Variants in NSUN4 observed in about 807,000 individuals in gnomAD.
The protein encoded by NSUN4 is NOP2/Sun RNA methyltransferase 4, also known as 5-cytosine rRNA methyltransferase NSUN4.
In NSUN4, 31 loss-of-function variants were observed where a neutral mutation model predicts 43.8. The ratio of observed to expected loss-of-function variants is 0.71; its 90% CI spans 0.53 to 0.96. NSUN4 has a LOEUF of 0.96. NSUN4 is among the 40% of genes least tolerant of loss of function. The pLI, the probability that NSUN4 is intolerant of heterozygous loss-of-function variation, is 0.00. For synonymous variants in NSUN4, 167 were observed against 184.1 expected (o/e 0.91, Z 0.75); for missense variants, 439 against 475.6 (o/e 0.92, Z 0.72).
intron 4 of NSUN4, among the ~76,000 whole-genome samples, chr1:46,353,999 C>T (rs746272972): frequency 6.6e-6 from 1 of 152,196 alleles, no homozygotes; most frequent in Non-Finnish European, 1.5e-5. Flanking sequence ...TGATTTCCCA[C>T]ATGCTGCCAA....
intron 3 of NSUN4, among the ~76,000 whole-genome samples, chr1:46,352,199 C>T (rs1168536702): frequency 1.3e-5 from 2 of 150,690 alleles, no homozygotes; most frequent in Non-Finnish European, 3.0e-5. Context: ...ACCTGTAATC[C>T]TAGCACTTTG....
the NSUN4 span, among the ~76,000 whole-genome samples, chr1:46,377,770 A>T: frequency 2.6e-5 from 4 of 152,352 alleles, 1 homozygote; most frequent in Admixed American, 6.5e-5. Flanking sequence ...ACATTAAGTC[A>T]TTTAATTCCC....
At chr1:46,343,784 C>T (rs531653598) in intron 1 of NSUN4, 8 of 400,488 alleles carry the variant, frequency 2.0e-5, no homozygotes, top group African/African-American at 1.4e-4. Flanking sequence ...GAGGTCAGGG[C>T]AAGAGCAAGA....
At position 46,363,571 on chromosome 1, in the gene NSUN4, T is replaced by C. The variant is rs1569776166; in HGVS notation, c.*1725T>C. On this transcript the variant is annotated 3_prime_UTR_variant, in exon 6 of 6. Transcript: ENST00000474844. ...ACAGTTTATCTGCTGTAATTGAACA[T>C]TCAGCTACCCTATAACCCAGTTAAT... 6.6e-6 allele frequency: 1 copy of C among 152,442 alleles called. No homozygotes were observed. The highest frequency in any genetic ancestry group is 2.1e-4 in the South Asian group (1 of 4,828). The allele number at this position is 152,442 out of a possible 1,614,324, so 9.4% of individuals were successfully genotyped here. A position where few individuals can be genotyped will look rare whatever the true frequency, so the allele number is the denominator to read the frequency against.
the NSUN4 span, among the ~76,000 whole-genome samples, chr1:46,379,265 T>C: frequency 6.6e-6 from 1 of 152,116 alleles, no homozygotes; most frequent in Non-Finnish European, 1.5e-5. Context: ...TGTGGAATCC[T>C]CCCTCCTATG....
At chr1:46,347,964 G>A (rs1009555156) in intron 3 of NSUN4, among the ~76,000 whole-genome samples, 1 of 150,090 alleles carries the variant, frequency 6.7e-6, no homozygotes. Context: ...TGCAAGCTCC[G>A]CCTCCTGGGT....
Position 46,347,860 on chromosome 1 carries a change from T to C in NSUN4, c.592+785T>C, listed in dbSNP as rs1243796943. Among the ~76,000 whole-genome samples, 5 of 69,112 alleles carry C rather than the reference T, an allele frequency of 7.2e-5. 1 individual carries two copies. The highest frequency in any genetic ancestry group is 1.2e-4 in the African/African-American group (3 of 25,144). The allele number at this position is 69,112 out of a possible 152,430, so 45.3% of individuals were successfully genotyped here. ...GGCTGTCCAAATCCTTTTGACTTTC[T>C]TTTTTTTTTTCTTTCTTTTTTTTTC... On this transcript the variant is annotated intron_variant, in intron 3 of 5. Transcript: ENST00000474844.
At chr1:46,354,763 T>C (rs1426081304) in intron 4 of NSUN4, among the ~76,000 whole-genome samples, 1 of 151,922 alleles carries the variant, frequency 6.6e-6, no homozygotes, top group Non-Finnish European at 1.5e-5. Context: ...CAAGCCTGGG[T>C]TCAAAGTTCG....
chr1:46,367,001 C>G (rs943621283), downstream of NSUN4, among the ~76,000 whole-genome samples: 10 of 152,226 alleles, frequency 6.6e-5, no homozygotes, highest in African/African-American at 2.2e-4. Context: ...TTTGGCCGTT[C>G]TCAGAAAAAT....
At chr1:46,349,407 T>C (rs1316345500) in intron 3 of NSUN4, among the ~76,000 whole-genome samples, 3 of 152,208 alleles carry the variant, frequency 2.0e-5, no homozygotes, top group African/African-American at 7.2e-5. Context: ...CCCAAAGTGC[T>C]GGGATTACAG....
intron 2 of NSUN4, among the ~76,000 whole-genome samples, chr1:46,346,091 C>T (rs1384478319): frequency 3.5e-5 from 5 of 142,924 alleles, no homozygotes; most frequent in African/African-American, 1.3e-4. Context: ...GTGGAGGTTG[C>T]AGTGAGCTGA....
At chr1:46,355,851 C>T (rs1301516767) in intron 4 of NSUN4, among the ~76,000 whole-genome samples, 3 of 152,060 alleles carry the variant, frequency 2.0e-5, no homozygotes, top group Admixed American at 6.6e-5. Flanking sequence ...CCCGTCTCTA[C>T]TAAAAATACA....
chr1:46,360,228 C>CAA (rs1240539714), intron 4 of NSUN4, among the ~76,000 whole-genome samples: 108 of 35,000 alleles, frequency 3.1e-3, no homozygotes, highest in African/African-American at 5.0e-3. Context: ...GACTCCATCT[C>CAA]AAAAAAAAAA....
chr1:46,340,812 G>A lies in NSUN4; in HGVS notation c.-15G>A, dbSNP rs1161609348. 2.5e-6 allele frequency: 4 copies of A among 1,604,810 alleles called. No homozygotes were observed. In the African/African-American group the frequency reaches 5.4e-5, roughly 22 times the overall value. ...TCGCGGTTCCGGTCGGAATTACCCC[G>A]TGGAGCACGCCGATATGGCTGCGCT... On this transcript the variant is annotated 5_prime_UTR_variant, in exon 1 of 6. It adds an upstream start codon to the 5' untranslated region. Coordinates refer to ENST00000474844, the MANE Select transcript of NSUN4 (RefSeq NM_199044.4).
chr1:46,354,708 G>A (rs1352502722), intron 4 of NSUN4, among the ~76,000 whole-genome samples: 1 of 151,240 alleles, frequency 6.6e-6, no homozygotes, highest in Admixed American at 6.6e-5. Context: ...AGGCTGGAGT[G>A]CAGTGGCGCA....
intron 2 of NSUN4, among the ~76,000 whole-genome samples, chr1:46,345,578 C>T (rs1662430602): frequency 6.6e-6 from 1 of 152,164 alleles, no homozygotes. Context: ...ATTTTGCCCT[C>T]ACAGCCACCC....
chr1:46,383,455 T>G, the NSUN4 span, among the ~76,000 whole-genome samples: 3 of 147,170 alleles, frequency 2.0e-5, no homozygotes, highest in Admixed American at 6.7e-5. Flanking sequence ...GGTGTTTTTT[T>G]TTTTTTTTTT....
the NSUN4 span, among the ~76,000 whole-genome samples, chr1:46,371,496 C>T: frequency 2.4e-4 from 37 of 152,106 alleles, 1 homozygote; most frequent in African/African-American, 6.3e-4. Flanking sequence ...TTAGTAGAGA[C>T]GGGGTTTTAC....
intron 1 of NSUN4, 96 bp downstream of exon 1, chr1:46,341,015 C>A: frequency 7.9e-7 from 1 of 1,259,482 alleles, no homozygotes; most frequent in Non-Finnish European, 1.1e-6. Flanking sequence ...AGCGTCTTTC[C>A]CAAGCACTCC....
Sources: gnomAD v4.1 joint callset for allele counts (sites outside exome capture counted in the v4.1 genomes callset) on GRCh38, gnomAD v4.1.1 for gene constraint, MANE v1.5 for transcripts, NCBI Gene and HGNC (gene_info 2026-07-23, HGNC 2026-07-21) for gene names.